Variants in CYP17A1 observed in about 807,000 individuals in gnomAD.
CYP17A1 encodes cytochrome P450 family 17 subfamily A member 1.
CYP17A1 carries 27 observed loss-of-function variants against 38.5 expected under a neutral mutation model. That is an observed-to-expected ratio of 0.70 (90% CI 0.52 to 0.97). The LOEUF (loss-of-function observed/expected upper bound fraction) is 0.97. Among genes scored for constraint, CYP17A1 ranks in the 50% least tolerant of loss-of-function variants. The probability of loss-of-function intolerance (pLI) is 0.00; values close to 1 mark genes in which losing one functional copy is unlikely to be tolerated. For synonymous variants in CYP17A1, 263 were observed against 253.3 expected, an observed-to-expected ratio of 1.04 and a Z score of -0.36; for missense variants, 549 against 645.9, an observed-to-expected ratio of 0.85 and a Z score of 1.63.
intron 2 of CYP17A1, 23 bp downstream of exon 2, chr10:102,835,231 C>T: frequency 6.2e-7 from 1 of 1,606,746 alleles, no homozygotes; most frequent in East Asian, 2.2e-5. Flanking sequence ...AGCCCCAGCC[C>T]CAGGGGCCAG....
chr10:102,831,680 C>T (rs1564777837), intron 6 of CYP17A1, 69 bp from the exon 7 acceptor site: 5 of 1,600,026 alleles, frequency 3.1e-6, no homozygotes, highest in South Asian at 1.1e-5. Flanking sequence ...AGCCTCATGC[C>T]CCCTCATTCT....
intron 4 of CYP17A1, chr10:102,833,494 A>G (rs1351823120): frequency 4.3e-5 from 18 of 419,964 alleles, no homozygotes; most frequent in South Asian, 3.5e-4. Flanking sequence ...TCTTGGTGCA[A>G]TGCCCAGGCT....
chr10:102,834,894 G>T lies in CYP17A1; in HGVS notation c.557C>A (p.Thr186Asn), dbSNP rs766199096. ...CTCAGGGTCCCCATTCTTGTAGGAGGTATTGAAGCAGATCAAGGAGATGAC... is the reference window on the plus strand; with the variant it reads ...CTCAGGGTCCCCATTCTTGTAGGAGTTATTGAAGCAGATCAAGGAGATGAC... ...TNVISLICFN[T>N]SYKNGDPELN... Residue 186 changes from threonine to asparagine, a missense_variant, in exon 3 of 8, where the codon ACC becomes AAC. Around this residue, in one of 3 missense-constraint regions of CYP17A1, gnomAD observed 289 missense variants for 320.9 expected, o/e 0.90. Coordinates refer to ENST00000369887, the MANE Select transcript of CYP17A1 (RefSeq NM_000102.4). The T allele has an allele frequency of 6.2e-7, 1 of 1,613,868 alleles. No individual in the cohort carries two copies. Among genetic ancestry groups the T allele is most frequent in the Admixed American group, 1.7e-5 (1 of 60,016 alleles).
In CYP17A1 at chr10:102,831,572, G is replaced by A. The variant is rs763544377; in HGVS notation, c.1179C>T (p.Ile393=). The part of the protein sequence containing the change: ...EFAVDKGTEV[I]INLWALHHNE... ...TGTGATGCAGCGCCCACAGATTGAT[G>A]ATAACTTCTGTGCCCTTGTCCACAG... Residue 393 remains isoleucine (I), a synonymous_variant, in exon 7 of 8, where the codon ATC becomes ATT. Coordinates refer to ENST00000369887, the MANE Select transcript of CYP17A1 (RefSeq NM_000102.4). 1.7e-5 allele frequency: 28 copies of A among 1,613,976 alleles called. No homozygotes were observed. The highest frequency in any genetic ancestry group is 2.4e-5 in the Non-Finnish European group (28 of 1,180,038).
Position 102,830,746 on chromosome 10 carries a change from C to T in CYP17A1, c.1483G>A (p.Val495Met), listed in dbSNP as rs764469261. The change falls in exon 8 of 8, where the codon GTG becomes ATG. Residue 495 changes from valine (V) to methionine (M), a missense_variant. By Grantham distance (21) the Val-to-Met change is conservative. Transcript: ENST00000369887. This position sits in a 1 kb window ranked among gnomAD's most constrained non-coding sequence, Gnocchi z 4.1. ...LIDSFKVKIKVRQAWREAQAE... is the reference protein window; with the variant it reads ...LIDSFKVKIKMRQAWREAQAE... ...TGGGCTTCCCTCCAGGCCTGGCGCA[C>T]CTTGATCTTCACTTTGAAAGAGTCG... 3 of 1,603,848 alleles carry T rather than the reference C, an allele frequency of 1.9e-6. No individual in the cohort carries two copies. The highest frequency in any genetic ancestry group is 1.7e-6 in the Non-Finnish European group (2 of 1,172,542).
rs1055309183 is a variant in CYP17A1, at chr10:102,831,073, C to T, written c.1244-88G>A. 9.2e-5 allele frequency: 86 copies of T among 931,706 alleles called. No homozygotes were observed. In the African/African-American group the frequency reaches 1.3e-3, roughly 14 times the overall value. The allele number at this position is 931,706 out of a possible 1,614,324, so 57.7% of individuals were successfully genotyped here. ...CCCTGGTTGAGGGGGAGACATGGCC[C>T]TGCCCAGGGAACCCTGATCTGAGGA... On this transcript the variant is annotated intron_variant, in intron 7 of 7. Transcript: ENST00000369887.
chr10:102,831,975 T>A (rs1003588293), intron 6 of CYP17A1, among the ~76,000 whole-genome samples: 9 of 152,188 alleles, frequency 5.9e-5, no homozygotes, highest in Non-Finnish European at 1.5e-5. Flanking sequence ...GAAGCTCCTC[T>A]GGGAAGTCAG....
rs142037395 is a variant in CYP17A1, at chr10:102,832,662, C to T, written c.988G>A (p.Glu330Lys). The change falls in exon 6 of 8, where the codon GAG becomes AAG. Residue 330 changes from glutamate to lysine, a missense_variant. Glu to Lys is a moderately conservative substitution (Grantham distance 56, BLOSUM62 1). Around this residue, in one of 3 missense-constraint regions of CYP17A1, gnomAD observed 257 missense variants for 307.9 expected, o/e 0.83. Transcript: ENST00000369887. ...HNPQVKKKLY[E>K]EIDQNVGFSR... ...AAACCCACATTCTGGTCAATCTCCTCGTAGAGCTTCTTCTTCACCTGAAGA... is the reference window on the plus strand; with the variant it reads ...AAACCCACATTCTGGTCAATCTCCTTGTAGAGCTTCTTCTTCACCTGAAGA... 382 of 1,606,402 alleles carry T rather than the reference C, an allele frequency of 2.4e-4. No homozygotes were observed. The highest frequency in any genetic ancestry group is 2.9e-4 in the Non-Finnish European group (341 of 1,172,928).
chr10:102,833,930 G>A (rs1844124861), intron 4 of CYP17A1, 106 bp downstream of exon 4: 41 of 727,348 alleles, frequency 5.6e-5, no homozygotes, highest in South Asian at 5.4e-4. Flanking sequence ...TATGTGCCAG[G>A]TTCTCTGCTT....
chr10:102,832,537 G>A lies in CYP17A1; in HGVS notation c.1113C>T (p.Ile371=), dbSNP rs1320132220. 6.2e-7 allele frequency: 1 copy of A among 1,611,506 alleles called. No homozygotes were observed. The highest frequency in any genetic ancestry group is 8.5e-7 in the Non-Finnish European group (1 of 1,177,638). Residue 371 remains isoleucine, a synonymous_variant, in exon 6 of 8, where the codon ATC becomes ATT. Transcript: ENST00000369887. ...TGGAGTCAACGTTGGCCTTGTGGGG[G>A]ATGAGCATAGGGGCCACGGGCCTGA... ...LRLRPVAPML[I]PHKANVDSSI...
chr10:102,831,136 G>T, intron 7 of CYP17A1, 151 bp from the exon 8 acceptor site: 2 of 720,650 alleles, frequency 2.8e-6, no homozygotes, highest in Non-Finnish European at 5.0e-6. Flanking sequence ...CCTGGGGAGA[G>T]ATACAGCCCT....
At chr10:102,831,222 T>C (rs1564777614) in intron 7 of CYP17A1, among the ~76,000 whole-genome samples, 2 of 152,172 alleles carry the variant, frequency 1.3e-5, no homozygotes, top group Admixed American at 6.5e-5. Flanking sequence ...AATTAACCTA[T>C]GAAAATAGCA....
Position 102,833,072 on chromosome 10 carries a change from C to T in CYP17A1, c.890G>A (p.Gly297Glu). 1 of 1,614,146 alleles carries T rather than the reference C, an allele frequency of 6.2e-7. No individual in the cohort carries two copies. Among genetic ancestry groups the T allele is most frequent in the Non-Finnish European group, 8.5e-7 (1 of 1,180,032 alleles). The change falls in exon 5 of 8, where the codon GGG becomes GAG. Residue 297 changes from glycine (G) to glutamate (E), a missense_variant. Transcript: ENST00000369887. ...LSDNHILTTI[G>E]DIFGAGVETT... is the part of the protein sequence containing the mutation. Reference sequence around the variant, plus strand: ...CTCCACGCCAGCCCCAAAGATGTCCCCTATGGTGGTGAGAATGTGGTTATC... The same window carrying T: ...CTCCACGCCAGCCCCAAAGATGTCCTCTATGGTGGTGAGAATGTGGTTATC...
chr10:102,837,167 C>T lies in CYP17A1; in HGVS notation c.195G>A (p.Ser65=), dbSNP rs6163. The T allele has an allele frequency of 1.3e-5, 21 of 1,593,274 alleles. No homozygotes were observed. The highest frequency in any genetic ancestry group is 5.5e-5 in the South Asian group (5 of 90,674). The change falls in exon 1 of 8, where the codon TCG becomes TCA. Residue 65 remains serine (S), a synonymous_variant. Coordinates refer to ENST00000369887, the MANE Select transcript of CYP17A1 (RefSeq NM_000102.4). ...CTGTAGTCTTGGTGCCCATACGAAC[C>T]GAATAGATGGGGCCATATTTTTTCT... is the stretch of plus-strand genomic sequence containing the variant. ...KLQKKYGPIY[S]VRMGTKTTVI...
chr10:102,835,291 G>A lies in CYP17A1; in HGVS notation c.399C>T (p.Ala133=), dbSNP rs1844146653. The stretch of plus-strand genomic sequence containing the variant: ...GCTTCTGATCGCCATCCTTGAACAG[G>A]GCAAAGGTGGCCATCGCCAGCCTTC... ...LHRRLAMATF[A]LFKDGDQKLE... Residue 133 remains alanine (A), a synonymous_variant, in exon 2 of 8, where the codon GCC becomes GCT. Coordinates refer to ENST00000369887, the MANE Select transcript of CYP17A1 (RefSeq NM_000102.4). 1 of 1,612,728 alleles carries A rather than the reference G, an allele frequency of 6.2e-7. No individual in the cohort carries two copies. Among genetic ancestry groups the A allele is most frequent in the Non-Finnish European group, 8.5e-7 (1 of 1,178,792 alleles).
rs373888712 is a variant in CYP17A1, at chr10:102,830,781, A to G, written c.1448T>C (p.Val483Ala). 1 of 1,599,130 alleles carries G rather than the reference A, an allele frequency of 6.3e-7. No homozygotes were observed. Among genetic ancestry groups the G allele is most frequent in the Non-Finnish European group, 8.6e-7 (1 of 1,168,456 alleles). Residue 483 changes from valine (V) to alanine (A), a missense_variant, in exon 8 of 8, where the codon GTC (valine) becomes GCC (alanine). By Grantham distance (64) the Val-to-Ala change is moderately conservative (BLOSUM62 0). This residue lies in a region of CYP17A1 where 257 missense variants were observed against 307.9 expected (regional missense o/e 0.83). Coordinates refer to ENST00000369887, the MANE Select transcript of CYP17A1 (RefSeq NM_000102.4). The surrounding 1 kb of genome is among the most constrained non-coding windows in gnomAD (Gnocchi z 4.1). ...LPSLEGIPKV[V>A]FLIDSFKVKI... ...CACTTTGAAAGAGTCGATCAGAAAG[A>G]CCACCTTGGGGATGCCTTCCAGGGA...
intron 5 of CYP17A1, 128 bp from the exon 6 acceptor site, chr10:102,832,808 C>T (rs1425763696): frequency 4.4e-6 from 6 of 1,356,904 alleles, no homozygotes; most frequent in Non-Finnish European, 6.3e-6. Context: ...GGCTCTGGGG[C>T]CCAGGCCCGG....
At position 102,835,382 on chromosome 10, in the gene CYP17A1, T is replaced by A; in HGVS notation, c.308A>T (p.Asp103Val). The A allele has an allele frequency of 6.2e-7, 1 of 1,613,042 alleles. No individual in the cohort carries two copies. Among genetic ancestry groups the A allele is most frequent in the Non-Finnish European group, 8.5e-7 (1 of 1,178,936 alleles). ...FSGRPQMATLDIASNNRKGIA... is the reference protein window; with the variant it reads ...FSGRPQMATLVIASNNRKGIA... ...ACCCTTACGGTTGTTGGACGCGATG[T>A]CTAGAGTTGCCTTTAGAGAGCAGGC... The change falls in exon 2 of 8, where the codon GAC becomes GTC. Residue 103 changes from aspartate (D) to valine (V), a missense_variant. Around this residue, in one of 3 missense-constraint regions of CYP17A1, gnomAD observed 289 missense variants for 320.9 expected, o/e 0.90. Transcript: ENST00000369887.
rs772270950 is a variant in CYP17A1 at position 102,834,737 on chromosome 10, A to G, written c.666+48T>C. ...GTAAAAAGGAAGGAAGATTGGGGAC[A>G]ATGTCAGGGTCTACTAGAACCTGAA... On this transcript the variant is annotated intron_variant, in intron 3 of 7. Coordinates refer to ENST00000369887, the MANE Select transcript of CYP17A1 (RefSeq NM_000102.4). 1.9e-6 allele frequency: 3 copies of G among 1,613,674 alleles called. No homozygotes were observed. In the South Asian group the frequency reaches 3.3e-5, roughly 18 times the overall value.
Sources: gnomAD v4.1 joint callset for allele counts (sites outside exome capture counted in the v4.1 genomes callset) on GRCh38, gnomAD v4.1.1 for gene constraint, gnomAD v4.1.1 regional missense constraint, Gnocchi (gnomAD v3.1) non-coding constraint, MANE v1.5 for transcripts, NCBI Gene and HGNC (gene_info 2026-07-23, HGNC 2026-07-21) for gene names.